SYNPR: variants seen among roughly 807,000 people sequenced by gnomAD.
SYNPR encodes the protein synaptoporin.
In SYNPR, 23 loss-of-function variants were observed where a neutral mutation model predicts 32.9. That is an observed-to-expected ratio of 0.70 (90% CI 0.50 to 0.99). The LOEUF is 0.99. SYNPR is among the 50% of genes least tolerant of loss of function. The pLI is 0.00. For missense variants in SYNPR, 318 were observed against 349.3 expected, an observed-to-expected ratio of 0.91 and a Z score of 0.71; for synonymous variants, 146 against 135.9, an observed-to-expected ratio of 1.07 and a Z score of -0.52.
chr3:63,480,005 C>G (rs4133197), intron 2 of SYNPR, among the ~76,000 whole-genome samples: 63,864 of 152,032 alleles, frequency 0.42, 13,370 homozygotes, highest in East Asian at 0.49. Context: ...TTAGAAATGA[C>G]CAAGAAATTC....
intron 3 of SYNPR, among the ~76,000 whole-genome samples, chr3:63,486,332 T>C (rs1371172442): frequency 6.6e-6 from 1 of 152,162 alleles, no homozygotes; most frequent in Non-Finnish European, 1.5e-5. Flanking sequence ...CAATGACAAA[T>C]GTGAGTTGGA....
At chr3:63,401,192 C>T (rs571650745) in intron 2 of SYNPR, among the ~76,000 whole-genome samples, 2 of 152,062 alleles carry the variant, frequency 1.3e-5, no homozygotes, top group African/African-American at 4.8e-5. Flanking sequence ...AGGAAGTCTG[C>T]AGGCAGATTG....
intron 2 of SYNPR, among the ~76,000 whole-genome samples, chr3:63,359,323 T>C (rs1447667696): frequency 6.6e-6 from 1 of 152,214 alleles, no homozygotes; most frequent in Non-Finnish European, 1.5e-5. Flanking sequence ...GAATTAAATT[T>C]CTGTACCACT....
intron 2 of SYNPR, among the ~76,000 whole-genome samples, chr3:63,284,487 G>A (rs111505597): frequency 5.3e-5 from 8 of 152,132 alleles, no homozygotes; most frequent in African/African-American, 1.7e-4. Context: ...AATACCTTCT[G>A]CTATAACCCT....
chr3:63,218,953 T>C, the SYNPR span, among the ~76,000 whole-genome samples: 1 of 152,340 alleles, frequency 6.6e-6, no homozygotes, highest in East Asian at 1.9e-4. Context: ...GGTATGATGC[T>C]ATATGCAGGA....
At chr3:63,396,923 T>C (rs1008676930) in intron 2 of SYNPR, among the ~76,000 whole-genome samples, 2 of 151,894 alleles carry the variant, frequency 1.3e-5, no homozygotes, top group African/African-American at 2.4e-5. Flanking sequence ...GCTAACACGG[T>C]GAAACCCCGT....
intron 2 of SYNPR, among the ~76,000 whole-genome samples, chr3:63,437,303 G>T (rs926856848): frequency 3.3e-5 from 5 of 152,158 alleles, no homozygotes; most frequent in Non-Finnish European, 7.4e-5. Context: ...GATGTTAAAT[G>T]CTTGGTATGC....
chr3:63,409,373 T>C (rs768939391), intron 2 of SYNPR, among the ~76,000 whole-genome samples: 7 of 152,100 alleles, frequency 4.6e-5, no homozygotes, highest in Non-Finnish European at 8.8e-5. Flanking sequence ...GGCAGGGTCA[T>C]AAACAAGGAT....
intron 2 of SYNPR, among the ~76,000 whole-genome samples, chr3:63,412,546 A>T (rs1266294664): frequency 1.3e-5 from 2 of 152,158 alleles, no homozygotes; most frequent in Middle Eastern, 3.2e-3. Context: ...AACTGTAAGT[A>T]ATGAAGGTGT....
chr3:63,491,384 G>A (rs1446044159), intron 3 of SYNPR, among the ~76,000 whole-genome samples: 1 of 152,062 alleles, frequency 6.6e-6, no homozygotes, highest in African/African-American at 2.4e-5. Context: ...GAGCAAGGGA[G>A]GGAAGACACC....
At chr3:63,451,633 A>G (rs1356373750) in intron 2 of SYNPR, among the ~76,000 whole-genome samples, 2 of 152,072 alleles carry the variant, frequency 1.3e-5, no homozygotes, top group East Asian at 3.9e-4. Flanking sequence ...GACCTTGCCC[A>G]TCAGTTTCTA....
intron 3 of SYNPR, among the ~76,000 whole-genome samples, chr3:63,530,224 C>G (rs2106787444): frequency 6.6e-6 from 1 of 152,276 alleles, no homozygotes; most frequent in South Asian, 2.1e-4. Flanking sequence ...TGTTATTTTT[C>G]ACTGGGCCCA....
intron 2 of SYNPR, among the ~76,000 whole-genome samples, chr3:63,288,760 A>ATT (rs2086710126): frequency 6.6e-6 from 1 of 152,028 alleles, no homozygotes; most frequent in Non-Finnish European, 1.5e-5. Flanking sequence ...CTTGTGTGTA[A>ATT]GTGTTTACTA....
At chr3:63,467,166 C>A (rs578097445) in intron 2 of SYNPR, among the ~76,000 whole-genome samples, 82 of 152,180 alleles carry the variant, frequency 5.4e-4, no homozygotes, top group African/African-American at 1.9e-3. Context: ...GCATGCCACC[C>A]AGCTGAGCTA....
At chr3:63,602,649 T>C (rs1186947626) in intron 4 of SYNPR, among the ~76,000 whole-genome samples, 1 of 152,164 alleles carries the variant, frequency 6.6e-6, no homozygotes, top group East Asian at 1.9e-4. Flanking sequence ...AAAGATCAGA[T>C]GGTTGTAGGT....
chr3:63,592,820 C>T (rs1699862197), intron 4 of SYNPR, among the ~76,000 whole-genome samples: 1 of 152,022 alleles, frequency 6.6e-6, no homozygotes, highest in African/African-American at 2.4e-5. Context: ...ACTGAATTTC[C>T]TGTATCAAGA....
At chr3:63,541,228 T>TC (rs1233187449) in intron 3 of SYNPR, among the ~76,000 whole-genome samples, 1 of 150,730 alleles carries the variant, frequency 6.6e-6, no homozygotes, top group Non-Finnish European at 1.5e-5. Flanking sequence ...TACTGCCAAT[T>TC]CTTTTTTTTT....
At chr3:63,421,174 T>A (rs1439288249) in intron 2 of SYNPR, among the ~76,000 whole-genome samples, 1 of 152,222 alleles carries the variant, frequency 6.6e-6, no homozygotes, top group Non-Finnish European at 1.5e-5. Context: ...TGAGCCACTA[T>A]GCCCAGCTTC....
the SYNPR span, among the ~76,000 whole-genome samples, chr3:63,207,394 G>C: frequency 1.6e-4 from 25 of 152,310 alleles, no homozygotes; most frequent in South Asian, 5.0e-3. Context: ...AACCAGAGCA[G>C]GTGGATTTAA....
Sources: gnomAD v4.1 joint callset for allele counts (sites outside exome capture counted in the v4.1 genomes callset) on GRCh38, gnomAD v4.1.1 for gene constraint, MANE v1.5 for transcripts, NCBI Gene and HGNC (gene_info 2026-07-23, HGNC 2026-07-21) for gene names.